MYO7B: variants seen among roughly 807,000 people sequenced by gnomAD.
MYO7B encodes unconventional myosin-VIIb.
Under a neutral mutation model 259.7 loss-of-function variants are expected in MYO7B, and 212 were observed. The observed-to-expected ratio is 0.82, with a 90% confidence interval of 0.73 to 0.91. MYO7B has a LOEUF of 0.91. MYO7B is among the 40% of genes least tolerant of loss of function. MYO7B has a pLI of 0.00. For synonymous variants in MYO7B, 1,197 were observed against 1,166.4 expected, an observed-to-expected ratio of 1.03 and a Z score of -0.54; for missense variants, 2,732 against 2,813.5, an observed-to-expected ratio of 0.97 and a Z score of 0.66.
intron 6 of MYO7B, 22 bp downstream of exon 6, chr2:127,569,932 G>A (rs761415401): frequency 3.7e-5 from 59 of 1,599,422 alleles, no homozygotes; most frequent in Admixed American, 1.2e-4. Context: ...TCTGGGACCC[G>A]CCCTTCTCCC....
Position 127,617,660 on chromosome 2 carries a change from G to A in MYO7B, c.3399-2680G>A, listed in dbSNP as rs1442041236. Among the ~76,000 whole-genome samples, 4 of 149,582 alleles carry A rather than the reference G, an allele frequency of 2.7e-5. No homozygotes were observed. In the East Asian group the frequency reaches 5.8e-4, roughly 22 times the overall value. On this transcript the variant is annotated intron_variant, in intron 26 of 47. Coordinates refer to ENST00000409816, the MANE Select transcript of MYO7B (RefSeq NM_001393586.1). Reference sequence around the variant, plus strand: ...TGGGACTACAGGCGCCCGCCACCGCGCCCGGCTAATTTTTTGTATTTTTAG... The same window carrying A: ...TGGGACTACAGGCGCCCGCCACCGCACCCGGCTAATTTTTTGTATTTTTAG...
chr2:127,629,646 T>C lies in MYO7B; in HGVS notation c.4626T>C (p.Asp1542=). 6.2e-7 allele frequency: 1 copy of C among 1,611,742 alleles called. No homozygotes were observed. Among genetic ancestry groups the C allele is most frequent in the Non-Finnish European group, 8.5e-7 (1 of 1,179,278 alleles). The change falls in exon 35 of 48, where the codon GAT becomes GAC. Residue 1542 remains aspartate (D), a splice_region_variant and synonymous_variant. Coordinates refer to ENST00000409816, the MANE Select transcript of MYO7B (RefSeq NM_001393586.1). ...AMALQDRKAT[D]DTTLLAFKKG... ...CAAATAGCCTCCCTGCCCTTACAGA[T>C]GACACCACCCTCCTGGCCTTCAAGA...
chr2:127,550,461 G>C (rs183447601), intron 1 of MYO7B, among the ~76,000 whole-genome samples: 2 of 152,144 alleles, frequency 1.3e-5, no homozygotes, highest in East Asian at 3.9e-4. Flanking sequence ...AGCTATTCAG[G>C]AGGCTGAGGA....
Position 127,577,302 on chromosome 2 carries a change from C to T in MYO7B, c.849+594C>T, listed in dbSNP as rs184099184. Among the ~76,000 whole-genome samples, 433 of 152,302 alleles carry T rather than the reference C, an allele frequency of 2.8e-3. 3 individuals are homozygous for T. The highest frequency in any genetic ancestry group is 9.8e-3 in the African/African-American group (408 of 41,554). The stretch of plus-strand genomic sequence containing the variant: ...CCTGGGTCCACTGCTCCAAGGCCTT[C>T]ACCAGCCCCTGCCTAGACTTCATGG... On this transcript the variant is annotated intron_variant, in intron 8 of 47. Transcript: ENST00000409816. This position sits in a 1 kb window ranked among gnomAD's most constrained non-coding sequence, Gnocchi z 5.2.
At chr2:127,633,116 G>T in intron 39 of MYO7B, 142 bp from the exon 40 acceptor site, 1 of 645,640 alleles carries the variant, frequency 1.5e-6, no homozygotes, top group East Asian at 2.8e-5. Context: ...CCCAGGACAT[G>T]CGAGGGGCTG....
Position 127,565,393 on chromosome 2 carries a change from TC to T in MYO7B, c.285+12del, listed in dbSNP as rs1678290643. On this transcript the variant is annotated intron_variant, in intron 4 of 47. Coordinates refer to ENST00000409816, the MANE Select transcript of MYO7B (RefSeq NM_001393586.1). ...CAGCAGCACAAGATCTATGTGAGTC[TC>T]CCCAGCCCTGTGTCCACAGGGGAGC... 6.2e-7 allele frequency: 1 copy of T among 1,613,572 alleles called. No individual in the cohort carries two copies. The highest frequency in any genetic ancestry group is 8.5e-7 in the Non-Finnish European group (1 of 1,179,708).
chr2:127,629,753 G>A lies in MYO7B; in HGVS notation c.4733G>A (p.Gly1578Asp). ...NWTLGQNDRTGKTGLVPMACL... is the reference protein window; with the variant it reads ...NWTLGQNDRTDKTGLVPMACL... ...ACCCTCGGCCAGAACGACAGGACAG[G>A]CAAGACGGGGCTGGTGCCCATGGCC... Residue 1578 changes from glycine to aspartate, a missense_variant, in exon 35 of 48, where the codon GGC becomes GAC. By Grantham distance (94) the Gly-to-Asp change is moderately conservative. Around this residue, in one of 3 missense-constraint regions of MYO7B, gnomAD observed 821 missense variants for 769.3 expected, o/e 1.07. Transcript: ENST00000409816. The A allele has an allele frequency of 6.2e-7, 1 of 1,611,398 alleles. No individual in the cohort carries two copies. The highest frequency in any genetic ancestry group is 8.5e-7 in the Non-Finnish European group (1 of 1,178,962).
Position 127,612,517 on chromosome 2 carries a change from T to C in MYO7B, c.3312T>C (p.Pro1104=), listed in dbSNP as rs2105043631. ...ACATTGGAGAGGAGGCATTGGAGCCTGATGGCCTTGGTGCAGACCGGCCCA... is the reference window on the plus strand; with the variant it reads ...ACATTGGAGAGGAGGCATTGGAGCCCGATGGCCTTGGTGCAGACCGGCCCA... ...QLNIGEEALE[P]DGLGADRPMS... Residue 1104 remains proline (P), a synonymous_variant, in exon 26 of 48, where the codon CCT becomes CCC. Transcript: ENST00000409816. 6.4e-7 allele frequency: 1 copy of C among 1,571,070 alleles called. No homozygotes were observed. Among genetic ancestry groups the C allele is most frequent in the South Asian group, 1.2e-5 (1 of 85,166 alleles).
chr2:127,571,237 C>A (rs1678591299), intron 6 of MYO7B, among the ~76,000 whole-genome samples: 1 of 152,090 alleles, frequency 6.6e-6, no homozygotes, highest in Admixed American at 6.5e-5. Flanking sequence ...TGTGTCCCCA[C>A]CAGCACCTGG....
At chr2:127,537,937 T>C (rs1037962124) in intron 1 of MYO7B, among the ~76,000 whole-genome samples, 2 of 152,172 alleles carry the variant, frequency 1.3e-5, no homozygotes, top group African/African-American at 2.4e-5. Context: ...TCCAGTGTCA[T>C]TGTAGACTCT....
In MYO7B at chr2:127,571,442, G is replaced by GTTTTTTTTTTTTTTTTTTTTTTTTTTTTT; in HGVS notation, c.592+1549_592+1550insTTTTTTTTTTTTTTTTTTTTTTTTTTTTT. Among the ~76,000 whole-genome samples the GTTTTTTTTTTTTTTTTTTTTTTTTTTTTT allele has an allele frequency of 9.1e-4, 38 of 41,944 alleles. 4 individuals carry two copies. Among genetic ancestry groups the GTTTTTTTTTTTTTTTTTTTTTTTTTTTTT allele is most frequent in the East Asian group, 3.0e-3 (2 of 664 alleles). The allele number at this position is 41,944 out of a possible 152,430, so 27.5% of individuals were successfully genotyped here. A position where few individuals can be genotyped will look rare whatever the true frequency, so the allele number is the denominator to read the frequency against. On this transcript the variant is annotated intron_variant, in intron 6 of 47. Coordinates refer to ENST00000409816, the MANE Select transcript of MYO7B (RefSeq NM_001393586.1). ...AATTGGTCTATTTCCTTACCAGTGAGTTTTTTTTTTTTTTTTTGCTTGTTT... is the reference window on the plus strand; with the variant it reads ...AATTGGTCTATTTCCTTACCAGTGAGTTTTTTTTTTTTTTTTTTTTTTTTTTTTTTTTTTTTTTTTTTTTTTGCTTGTTT...
rs376503815 is a variant in MYO7B at position 127,612,571 on chromosome 2, C to G, written c.3366C>G (p.Ile1122Met). The G allele has an allele frequency of 1.9e-6, 3 of 1,607,166 alleles. No homozygotes were observed. The East Asian group carries it at 6.7e-5, about 36-fold the overall frequency. ...PMSNLEKVHFIVGYAILRPSL... is the reference protein window; with the variant it reads ...PMSNLEKVHFMVGYAILRPSL... ...CCAACCTGGAGAAGGTGCACTTCAT[C>G]GTGGGCTACGCCATCCTGCGGCCCA... is the stretch of plus-strand genomic sequence containing the variant. Residue 1122 changes from isoleucine (I) to methionine (M), a missense_variant, in exon 26 of 48, where the codon ATC (isoleucine) becomes ATG (methionine). Ile to Met is a conservative substitution (Grantham distance 10). This residue lies in a region of MYO7B where 1,906 missense variants were observed against 2,026.4 expected (regional missense o/e 0.94). Transcript: ENST00000409816.
Position 127,594,322 on chromosome 2 carries a change from A to G in MYO7B, c.2244+678A>G, listed in dbSNP as rs539645154. The stretch of plus-strand genomic sequence containing the variant: ...AGCACAGTGAGAGGGAAGAGGAATA[A>G]CTGGGAGCAGAGCTGGGAGGATGCT... On this transcript the variant is annotated intron_variant, in intron 18 of 47. Coordinates refer to ENST00000409816, the MANE Select transcript of MYO7B (RefSeq NM_001393586.1). Among the ~76,000 whole-genome samples, 16 of 152,344 alleles carry G rather than the reference A, an allele frequency of 1.1e-4. 1 individual carries two copies. The highest frequency in any genetic ancestry group is 1.8e-4 in the Non-Finnish European group (12 of 68,030).
Position 127,566,696 on chromosome 2 carries a change from C to T in MYO7B, c.339C>T (p.Leu113=), listed in dbSNP as rs145802059. 1 of 1,609,524 alleles carries T rather than the reference C, an allele frequency of 6.2e-7. No individual in the cohort carries two copies. The highest frequency in any genetic ancestry group is 1.3e-5 in the African/African-American group (1 of 75,024). ...VAVNPFQVLP[L]YTLEQVQLYY... ...TCAACCCGTTCCAGGTGCTGCCGCT[C>T]TACACCCTGGAGCAGGTACAGCTCT... The change falls in exon 5 of 48, where the codon CTC becomes CTT. Residue 113 remains leucine (L), a synonymous_variant. Coordinates refer to ENST00000409816, the MANE Select transcript of MYO7B (RefSeq NM_001393586.1).
intron 47 of MYO7B, 169 bp from the exon 48 acceptor site, chr2:127,637,147 C>G (rs1348904943): frequency 7.7e-6 from 7 of 903,946 alleles, no homozygotes. Flanking sequence ...GAGGGAGACC[C>G]AGCTCCAGCA....
At chr2:127,626,586 G>A (rs1302417749) in intron 31 of MYO7B, 4 of 176,908 alleles carry the variant, frequency 2.3e-5, no homozygotes, top group Non-Finnish European at 4.8e-5. Flanking sequence ...TTTGAGACCA[G>A]CCTGGCCAAG....
chr2:127,635,394 GGCAGC>G, intron 43 of MYO7B, 168 bp downstream of exon 43: 1 of 667,758 alleles, frequency 1.5e-6, no homozygotes, highest in Non-Finnish European at 2.6e-6. Context: ...AGGAGCAGAG[GGCAGC>G]AATGTTTGGG....
chr2:127,580,601 A>G, intron 9 of MYO7B, 145 bp from the exon 10 acceptor site: 1 of 732,140 alleles, frequency 1.4e-6, no homozygotes, highest in South Asian at 1.8e-5. Flanking sequence ...CCTCAAAGAG[A>G]GGACACTGGG....
intron 3 of MYO7B, 127 bp downstream of exon 3, chr2:127,564,393 C>T: frequency 4.6e-6 from 3 of 645,734 alleles, no homozygotes; most frequent in Non-Finnish European, 7.9e-6. Context: ...ACCTGGGTGG[C>T]AGGACAGATC....
Sources: gnomAD v4.1 joint callset for allele counts (sites outside exome capture counted in the v4.1 genomes callset) on GRCh38, gnomAD v4.1.1 for gene constraint, gnomAD v4.1.1 regional missense constraint, Gnocchi (gnomAD v3.1) non-coding constraint, MANE v1.5 for transcripts, NCBI Gene and HGNC (gene_info 2026-07-23, HGNC 2026-07-21) for gene names.